The following XPNPEP1 variants were observed in gnomAD, a reference collection of about 807,000 sequenced individuals.
The protein encoded by XPNPEP1 is X-prolyl aminopeptidase 1.
Under a neutral mutation model 92.4 loss-of-function variants are expected in XPNPEP1, and 39 were observed. The ratio of observed to expected loss-of-function variants is 0.42; its 90% confidence interval spans 0.33 to 0.55. The LOEUF is 0.55. Ranked by LOEUF, XPNPEP1 falls within the 20% of genes least tolerant of loss-of-function variation. XPNPEP1 has a pLI of 0.08. For missense variants in XPNPEP1, 654 were observed against 856.1 expected, an observed-to-expected ratio of 0.76 and a Z score of 2.95; for synonymous variants, 307 against 299.4, an observed-to-expected ratio of 1.03 and a Z score of -0.26.
intron 14 of XPNPEP1, 153 bp from the exon 15 acceptor site, chr10:109,875,752 T>A: frequency 1.7e-6 from 1 of 593,700 alleles, no homozygotes; most frequent in Non-Finnish European, 2.9e-6. Flanking sequence ...ATGAATTATT[T>A]CAACTAATAT....
intron 4 of XPNPEP1, 42 bp downstream of exon 4, chr10:109,892,970 G>T: frequency 6.3e-7 from 1 of 1,598,866 alleles, no homozygotes; most frequent in South Asian, 1.1e-5. Context: ...TTTAGGAGGC[G>T]AACAAAGGTG....
At chr10:109,879,613 TG>T (rs1411142567) in intron 12 of XPNPEP1, among the ~76,000 whole-genome samples, 2 of 151,778 alleles carry the variant, frequency 1.3e-5, no homozygotes, top group Non-Finnish European at 2.9e-5. Flanking sequence ...TTTACATAGA[TG>T]AACAATCACC....
Position 109,884,080 on chromosome 10 carries a change from G to C in XPNPEP1, c.817C>G (p.Leu273Val). 6.2e-7 allele frequency: 1 copy of C among 1,614,000 alleles called. No individual in the cohort carries two copies. The highest frequency in any genetic ancestry group is 8.5e-7 in the Non-Finnish European group (1 of 1,179,934). ...GCAAACACTCACATGATCGTCTCTA[G>C]TCCTATGATTGCGTAGGAGAAAAAT... The part of the protein sequence containing the change: ...PVFFSYAIIG[L>V]ETIMLFIDGD... Residue 273 changes from leucine (L) to valine (V), a missense_variant, in exon 9 of 21, where the codon CTA (leucine) becomes GTA (valine). Leu to Val is a conservative substitution (Grantham distance 32). Transcript: ENST00000502935.
intron 2 of XPNPEP1, among the ~76,000 whole-genome samples, chr10:109,911,435 C>G (rs1849865889): frequency 6.6e-6 from 1 of 152,136 alleles, no homozygotes; most frequent in Non-Finnish European, 1.5e-5. Flanking sequence ...TCTACTGGGC[C>G]TATAATTTCT....
chr10:109,920,033 T>TA (rs1850449300), intron 1 of XPNPEP1, among the ~76,000 whole-genome samples: 1 of 150,968 alleles, frequency 6.6e-6, no homozygotes, highest in South Asian at 2.1e-4. Flanking sequence ...TCCGTCTCAT[T>TA]TAAAAAAAAA....
intron 3 of XPNPEP1, among the ~76,000 whole-genome samples, chr10:109,901,264 G>A (rs372655239): frequency 1.1e-4 from 12 of 111,596 alleles, no homozygotes; most frequent in African/African-American, 4.1e-4. Flanking sequence ...CTGTCATGGG[G>A]TGGGGGGAGG....
chr10:109,878,911 G>C (rs1847928194), intron 12 of XPNPEP1, among the ~76,000 whole-genome samples: 2 of 151,698 alleles, frequency 1.3e-5, no homozygotes, highest in South Asian at 4.2e-4. Context: ...AAATTTATCT[G>C]CACACTAAGA....
chr10:109,866,592 A>G (rs1847157187), intron 20 of XPNPEP1, among the ~76,000 whole-genome samples: 1 of 152,120 alleles, frequency 6.6e-6, no homozygotes, highest in Non-Finnish European at 1.5e-5. Flanking sequence ...GGGAGTGTGG[A>G]CAGCCTCGGT....
At chr10:109,876,803 G>T (rs999452242) in intron 14 of XPNPEP1, 3 of 152,356 alleles carry the variant, frequency 2.0e-5, no homozygotes. Flanking sequence ...AAAGCAAAGC[G>T]GTTTGAACCA....
At chr10:109,920,474 A>C (rs956199938) in intron 1 of XPNPEP1, among the ~76,000 whole-genome samples, 7 of 152,190 alleles carry the variant, frequency 4.6e-5, no homozygotes, top group African/African-American at 1.7e-4. Flanking sequence ...TTCATACGTA[A>C]GTTTCTAAGA....
intron 3 of XPNPEP1, among the ~76,000 whole-genome samples, chr10:109,904,212 C>A (rs1055860742): frequency 1.3e-5 from 2 of 148,544 alleles, no homozygotes; most frequent in Non-Finnish European, 3.0e-5. Context: ...CTATCCTTAC[C>A]TTCCCACTGC....
At chr10:109,872,249 G>C (rs974753772) in intron 16 of XPNPEP1, among the ~76,000 whole-genome samples, 2 of 152,212 alleles carry the variant, frequency 1.3e-5, no homozygotes, top group Non-Finnish European at 2.9e-5. Context: ...CACACTTCAC[G>C]ATGGAGGCAC....
chr10:109,872,251 T>C (rs1280408917), intron 16 of XPNPEP1, among the ~76,000 whole-genome samples: 3 of 152,236 alleles, frequency 2.0e-5, no homozygotes, highest in African/African-American at 4.8e-5. Context: ...CACTTCACGA[T>C]GGAGGCACTA....
chr10:109,904,037 G>A (rs1332937575), intron 3 of XPNPEP1, among the ~76,000 whole-genome samples: 1 of 150,646 alleles, frequency 6.6e-6, no homozygotes, highest in Non-Finnish European at 1.5e-5. Flanking sequence ...GCAGAGATGG[G>A]GTTTCACATG....
intron 1 of XPNPEP1, among the ~76,000 whole-genome samples, chr10:109,917,705 C>T (rs1191155869): frequency 6.6e-6 from 1 of 152,310 alleles, no homozygotes; most frequent in Admixed American, 6.5e-5. Flanking sequence ...TTGAAAAGAA[C>T]TCTTCCATCC....
At chr10:109,923,032 C>A (rs922671940) in intron 1 of XPNPEP1, among the ~76,000 whole-genome samples, 6 of 152,190 alleles carry the variant, frequency 3.9e-5, no homozygotes, top group African/African-American at 1.4e-4. Flanking sequence ...GGCAAAGGCT[C>A]GCCCACCTCC....
At chr10:109,881,660 A>G (rs1281487760) in intron 10 of XPNPEP1, among the ~76,000 whole-genome samples, 1 of 152,172 alleles carries the variant, frequency 6.6e-6, no homozygotes, top group East Asian at 1.9e-4. Context: ...AGGATGCCCC[A>G]CTGCTCAGTG....
chr10:109,890,615 A>G (rs112996151), intron 5 of XPNPEP1, among the ~76,000 whole-genome samples: 3 of 151,828 alleles, frequency 2.0e-5, no homozygotes, highest in African/African-American at 7.3e-5. Context: ...AGAGAGAGAG[A>G]GAGAGAGAGA....
chr10:109,873,691 C>G (rs978440202), intron 15 of XPNPEP1: 5 of 473,204 alleles, frequency 1.1e-5, no homozygotes, highest in Non-Finnish European at 1.9e-5. Context: ...AGGTTCACAG[C>G]CACATTATTC....
Sources: gnomAD v4.1 joint callset for allele counts (sites outside exome capture counted in the v4.1 genomes callset) on GRCh38, gnomAD v4.1.1 for gene constraint, MANE v1.5 for transcripts, NCBI Gene and HGNC (gene_info 2026-07-23, HGNC 2026-07-21) for gene names.